PSMD1: variants seen among roughly 807,000 people sequenced by gnomAD.
PSMD1 encodes proteasome 26S subunit, non-ATPase 1.
In PSMD1, 18 loss-of-function variants were observed where a neutral mutation model predicts 119.0. The ratio of observed to expected loss-of-function variants is 0.15; its 90% CI spans 0.10 to 0.22. PSMD1 has a LOEUF of 0.22. Among genes scored for constraint, PSMD1 ranks in the 10% least tolerant of loss-of-function variants. The probability of loss-of-function intolerance (pLI) is 1.00; values close to 1 mark genes in which losing one functional copy is unlikely to be tolerated. For synonymous variants in PSMD1, 374 were observed against 396.6 expected (o/e 0.94, Z 0.68); for missense variants, 702 against 1,158.5 (o/e 0.61, Z 5.72).
chr2:231,084,550 G>C (rs920946590), intron 14 of PSMD1, among the ~76,000 whole-genome samples: 1 of 151,714 alleles, frequency 6.6e-6, no homozygotes, highest in Non-Finnish European at 1.5e-5. Context: ...AGGTAATACT[G>C]TCCTCTATAA....
chr2:231,087,823 G>A lies in PSMD1; in HGVS notation c.1883+642G>A, dbSNP rs549634720. On this transcript the variant is annotated intron_variant, in intron 16 of 24. Coordinates refer to ENST00000308696, the MANE Select transcript of PSMD1 (RefSeq NM_002807.4). ...TAAAAATACAAAAAATTAGCCACGT[G>A]TGGTGGCACGCACCTGTAATCTCAG... 2.4e-4 allele frequency among the ~76,000 whole-genome samples: 37 copies of A among 152,192 alleles called. 1 individual carries two copies. In the South Asian group the frequency reaches 4.8e-3, roughly 20 times the overall value.
At chr2:231,079,640 A>G in intron 11 of PSMD1, 26 bp downstream of exon 11, 1 of 1,422,318 alleles carries the variant, frequency 7.0e-7, no homozygotes, top group Non-Finnish European at 9.6e-7. Flanking sequence ...CAGTGTATAC[A>G]GGCATCAGAA....
intron 17 of PSMD1, among the ~76,000 whole-genome samples, chr2:231,144,275 G>C (rs1036315584): frequency 2.0e-5 from 3 of 149,072 alleles, no homozygotes; most frequent in Admixed American, 6.7e-5. Context: ...TTTGGAGACA[G>C]AGTTTCACTC....
intron 16 of PSMD1, among the ~76,000 whole-genome samples, chr2:231,110,004 A>G (rs975864054): frequency 6.6e-6 from 1 of 152,176 alleles, no homozygotes; most frequent in African/African-American, 2.4e-5. Flanking sequence ...TTGAAAGATT[A>G]TGAGTTCTTA....
chr2:231,146,263 A>C lies in PSMD1; in HGVS notation c.2022A>C (p.Pro674=). 1 of 1,613,740 alleles carries C rather than the reference A, an allele frequency of 6.2e-7. No homozygotes were observed. The highest frequency in any genetic ancestry group is 8.5e-7 in the Non-Finnish European group (1 of 1,179,692). Residue 674 remains proline, a synonymous_variant, in exon 18 of 25, where the codon CCA becomes CCC. Transcript: ENST00000308696. ...GNKEAINLLE[P]MTNDPVNYVR... ...AGGAAGCCATTAATTTGCTAGAACC[A>C]ATGACAAACGACCCCGTGAACTACG...
chr2:231,070,290 T>C, intron 6 of PSMD1, 122 bp downstream of exon 6: 2 of 788,776 alleles, frequency 2.5e-6, no homozygotes, highest in African/African-American at 1.8e-5. Flanking sequence ...TCAGCTGATC[T>C]TCACAGCAGC....
chr2:231,161,407 C>A lies in PSMD1; in HGVS notation c.2286C>A (p.Gly762=), dbSNP rs1303683617. The change falls in exon 20 of 25, where the codon GGC becomes GGA. Residue 762 remains glycine, a synonymous_variant. Transcript: ENST00000308696. The part of the protein sequence containing the change: ...TGHTHMPSVV[G]VLVFTQFWFW... ...ATACTCATATGCCTTCTGTGGTTGG[C>A]GTCCTTGTATTTACCCAGTTTTGGT... 1 of 1,613,610 alleles carries A rather than the reference C, an allele frequency of 6.2e-7. No homozygotes were observed. The highest frequency in any genetic ancestry group is 8.5e-7 in the Non-Finnish European group (1 of 1,179,672).
intron 23 of PSMD1, among the ~76,000 whole-genome samples, chr2:231,167,584 T>C (rs970484880): frequency 6.6e-6 from 1 of 151,606 alleles, no homozygotes; most frequent in African/African-American, 2.4e-5. Flanking sequence ...ACACACACAC[T>C]CCTTCAAAGA....
At chr2:231,119,459 C>A (rs1695455397) in intron 16 of PSMD1, among the ~76,000 whole-genome samples, 1 of 152,168 alleles carries the variant, frequency 6.6e-6, no homozygotes, top group Non-Finnish European at 1.5e-5. Context: ...CACGGGAGAA[C>A]CAGGATTCAG....
At chr2:231,071,141 T>G (rs1694033043) in intron 6 of PSMD1, among the ~76,000 whole-genome samples, 1 of 152,086 alleles carries the variant, frequency 6.6e-6, no homozygotes, top group East Asian at 1.9e-4. Context: ...TTTTGTTGTT[T>G]GTAAATATTT....
chr2:231,088,963 T>G (rs1390920693), intron 16 of PSMD1, among the ~76,000 whole-genome samples: 1 of 152,100 alleles, frequency 6.6e-6, no homozygotes, highest in Non-Finnish European at 1.5e-5. Flanking sequence ...GACACGCAAA[T>G]GATAAGGAAG....
At chr2:231,169,294 G>A (rs1466190294) in intron 23 of PSMD1, among the ~76,000 whole-genome samples, 1 of 152,232 alleles carries the variant, frequency 6.6e-6, no homozygotes, top group Non-Finnish European at 1.5e-5. Context: ...TCATGTGAAC[G>A]TGGATATTTT....
chr2:231,090,473 CACTT>C (rs1368981063), intron 16 of PSMD1, among the ~76,000 whole-genome samples: 1 of 152,174 alleles, frequency 6.6e-6, no homozygotes, highest in Non-Finnish European at 1.5e-5. Context: ...GCAGGAAAAT[CACTT>C]GAACCTGGGA....
chr2:231,095,731 A>G (rs1694708252), intron 16 of PSMD1, among the ~76,000 whole-genome samples: 1 of 152,238 alleles, frequency 6.6e-6, no homozygotes, highest in Non-Finnish European at 1.5e-5. Context: ...TAAGTCAATA[A>G]CGGCTAAAGG....
In PSMD1 at chr2:231,170,604, T is replaced by C; in HGVS notation, c.2754T>C (p.Ser918=). ...GCATCATCATTCTGAAGGATACCAG[T>C]GAAGACATTGAGGAGCTGGTGGAAC... ...IGGIIILKDT[S]EDIEELVEPV... is the part of the protein sequence containing the mutation. Residue 918 remains serine, a synonymous_variant, in exon 24 of 25, where the codon AGT becomes AGC. Coordinates refer to ENST00000308696, the MANE Select transcript of PSMD1 (RefSeq NM_002807.4). This position sits in a 1 kb window ranked among gnomAD's most constrained non-coding sequence, Gnocchi z 4.1. 6.2e-7 allele frequency: 1 copy of C among 1,614,048 alleles called. No homozygotes were observed. Among genetic ancestry groups the C allele is most frequent in the South Asian group, 1.1e-5 (1 of 91,064 alleles).
chr2:231,075,407 A>G (rs1234740449), intron 7 of PSMD1, 104 bp from the exon 8 acceptor site: 1 of 1,015,906 alleles, frequency 9.8e-7, no homozygotes, highest in East Asian at 2.5e-5. Context: ...ACTTTAGTAA[A>G]CATTATTTTC....
chr2:231,071,366 A>T (rs1476695337), intron 6 of PSMD1, among the ~76,000 whole-genome samples: 2 of 152,072 alleles, frequency 1.3e-5, no homozygotes, highest in Admixed American at 1.3e-4. Flanking sequence ...AAAAAGAATG[A>T]TGGGGTATAC....
intron 16 of PSMD1, among the ~76,000 whole-genome samples, chr2:231,097,840 G>A (rs940675172): frequency 6.6e-6 from 1 of 152,140 alleles, no homozygotes; most frequent in Non-Finnish European, 1.5e-5. Flanking sequence ...GAAAGGGATA[G>A]CCAATTGGAC....
chr2:231,143,572 A>G (rs1696180940), intron 17 of PSMD1, among the ~76,000 whole-genome samples: 1 of 152,172 alleles, frequency 6.6e-6, no homozygotes, highest in Admixed American at 6.5e-5. Context: ...AGTCCTGCAG[A>G]GTGTGAATAG....
Sources: allele counts gnomAD v4.1 joint callset (sites outside exome capture counted in the v4.1 genomes callset), GRCh38; gene constraint gnomAD v4.1.1; non-coding constraint Gnocchi (gnomAD v3.1); transcripts MANE v1.5; gene names NCBI Gene and HGNC (gene_info 2026-07-23, HGNC 2026-07-21).